Variants in TTC39B observed in about 807,000 individuals in gnomAD.
TTC39B encodes tetratricopeptide repeat protein 39B.
Under a neutral mutation model 96.6 loss-of-function variants are expected in TTC39B, and 92 were observed. That is an observed-to-expected ratio of 0.95 (90% CI 0.80 to 1.13). The LOEUF is 1.13. Among genes scored for constraint, TTC39B ranks in the 50% most tolerant of loss-of-function variants. The pLI is 0.00. For synonymous variants in TTC39B, 367 were observed against 299.4 expected, an observed-to-expected ratio of 1.23 and a Z score of -2.33; for missense variants, 955 against 809.3, an observed-to-expected ratio of 1.18 and a Z score of -2.18.
At chr9:15,299,741 A>T (rs1015131137) in intron 1 of TTC39B, among the ~76,000 whole-genome samples, 1 of 152,190 alleles carries the variant, frequency 6.6e-6, no homozygotes, top group African/African-American at 2.4e-5. Flanking sequence ...AGATGGCTAG[A>T]TGGAAACTCT....
exon 20 of TTC39B, chr9:15,169,925 T>C (rs1449992484): frequency 6.6e-6 from 1 of 152,170 alleles, no homozygotes; most frequent in East Asian, 1.9e-4. Context: ...ACTTGCAGCT[T>C]CTCACAGTAA....
intron 1 of TTC39B, among the ~76,000 whole-genome samples, chr9:15,303,444 C>T (rs1471985455): frequency 1.3e-5 from 2 of 148,814 alleles, no homozygotes; most frequent in African/African-American, 5.0e-5. Flanking sequence ...GATCAGAGTT[C>T]ACTGCAGCCT....
chr9:15,216,100 G>C (rs1297234149), intron 3 of TTC39B, among the ~76,000 whole-genome samples: 1 of 152,094 alleles, frequency 6.6e-6, no homozygotes, highest in African/African-American at 2.4e-5. Context: ...ATCTAACGCA[G>C]AGCAGCCTGG....
chr9:15,233,764 T>C (rs1821583116), intron 2 of TTC39B, among the ~76,000 whole-genome samples: 1 of 152,176 alleles, frequency 6.6e-6, no homozygotes, highest in African/African-American at 2.4e-5. Flanking sequence ...TTGCAGCCTC[T>C]GCCCGGCCGC....
In TTC39B at chr9:15,246,350, G is replaced by A. The variant is rs567621510; in HGVS notation, c.276-20338C>T. Among the ~76,000 whole-genome samples, 553 of 152,278 alleles carry A rather than the reference G, an allele frequency of 3.6e-3. 1 individual carries two copies. Among genetic ancestry groups the A allele is most frequent in the Non-Finnish European group, 5.2e-3 (354 of 68,012 alleles). On this transcript the variant is annotated intron_variant, in intron 2 of 19. Coordinates refer to ENST00000512701, the Ensembl canonical transcript of TTC39B. ...CTGCAGAGGGGTATCTCATTAAGGT[G>A]AGGAGACTCACCTTAACAAAAATTC...
At chr9:15,258,508 T>C (rs1261513410) in intron 2 of TTC39B, among the ~76,000 whole-genome samples, 2 of 152,200 alleles carry the variant, frequency 1.3e-5, no homozygotes, top group African/African-American at 4.8e-5. Context: ...ATTGGACCTC[T>C]TTCCCATTAC....
intron 2 of TTC39B, among the ~76,000 whole-genome samples, chr9:15,267,036 G>A (rs1823160506): frequency 6.6e-6 from 1 of 152,128 alleles, no homozygotes; most frequent in Non-Finnish European, 1.5e-5. Flanking sequence ...CCGAGATCGT[G>A]CCACTGCACT....
intron 1 of TTC39B, among the ~76,000 whole-genome samples, chr9:15,298,564 G>A (rs755174908): frequency 2.0e-5 from 3 of 152,066 alleles, no homozygotes; most frequent in African/African-American, 2.4e-5. Context: ...CAGATCCCAT[G>A]AGACTTATTC....
chr9:15,222,036 G>A (rs1304949716), intron 3 of TTC39B, among the ~76,000 whole-genome samples: 5 of 152,196 alleles, frequency 3.3e-5, no homozygotes, highest in Admixed American at 6.5e-5. Context: ...AAGCAAGAAA[G>A]AGTAACGTAA....
chr9:15,173,144 TAC>T (rs919507347), intron 19 of TTC39B, among the ~76,000 whole-genome samples: 14 of 152,210 alleles, frequency 9.2e-5, no homozygotes, highest in African/African-American at 3.4e-4. Context: ...TGCCTTATTA[TAC>T]ATTGTATATT....
chr9:15,262,201 T>C (rs181149400), intron 2 of TTC39B, among the ~76,000 whole-genome samples: 2,622 of 152,230 alleles, frequency 0.017, 33 homozygotes, highest in Admixed American at 0.032. Flanking sequence ...CGGGTTCAAG[T>C]GATTCTCCTG....
At position 15,219,354 on chromosome 9, in the gene TTC39B, T is replaced by C. The variant is rs147261307; in HGVS notation, c.372-5105A>G. ...CCCAACTCCCCTGCTAAGAACCACA[T>C]ATGCACACATACATGGTGACCTGGC... is the stretch of plus-strand genomic sequence containing the variant. On this transcript the variant is annotated intron_variant, in intron 3 of 19. Coordinates refer to ENST00000512701, the Ensembl canonical transcript of TTC39B. Among the ~76,000 whole-genome samples, 793 of 152,234 alleles carry C rather than the reference T, an allele frequency of 5.2e-3. 11 individuals are homozygous for C. Among genetic ancestry groups the C allele is most frequent in the African/African-American group, 0.018 (751 of 41,536 alleles).
rs558603126 is a variant in TTC39B at position 15,306,777 on chromosome 9, C to G, written c.240+307G>C. 1.3e-5 allele frequency among the ~76,000 whole-genome samples: 2 copies of G among 152,298 alleles called. No individual in the cohort carries two copies. The highest frequency in any genetic ancestry group is 2.4e-5 in the African/African-American group (1 of 41,578). The stretch of plus-strand genomic sequence containing the variant: ...CCCGGAACAGCTCAGAGCTGCGGGT[C>G]CTATGGTCCCGCGCCCTCACGCCCA... On this transcript the variant is annotated intron_variant, in intron 1 of 19. Coordinates refer to ENST00000512701, the Ensembl canonical transcript of TTC39B. This position sits in a 1 kb window ranked among gnomAD's most constrained non-coding sequence, Gnocchi z 5.1.
chr9:15,222,662 T>C (rs944444568), intron 3 of TTC39B, among the ~76,000 whole-genome samples: 4 of 152,204 alleles, frequency 2.6e-5, no homozygotes, highest in Non-Finnish European at 5.9e-5. Flanking sequence ...ATTTGGTAAC[T>C]AAAGCTACCA....
intron 3 of TTC39B, chr9:15,224,377 A>G (rs1821008807): frequency 6.6e-6 from 1 of 152,370 alleles, no homozygotes; most frequent in Non-Finnish European, 1.5e-5. Context: ...GTGGCCACCA[A>G]CTTGTAGTCT....
chr9:15,196,922 G>T (rs574225634), intron 8 of TTC39B, among the ~76,000 whole-genome samples: 1 of 152,248 alleles, frequency 6.6e-6, no homozygotes, highest in African/African-American at 2.4e-5. Context: ...CCAACCTTCA[G>T]CAACCACCAC....
intron 9 of TTC39B, 122 bp downstream of exon 9, chr9:15,192,468 C>G (rs891014668): frequency 7.2e-6 from 5 of 692,468 alleles, no homozygotes; most frequent in South Asian, 5.6e-5. Flanking sequence ...TGATCCCACT[C>G]TAGCTGTTTG....
intron 3 of TTC39B, among the ~76,000 whole-genome samples, chr9:15,219,646 T>G (rs148491314): frequency 1.2e-3 from 189 of 152,256 alleles, no homozygotes; most frequent in African/African-American, 3.9e-3. Context: ...AGTAGGGACT[T>G]CACTAGATGA....
intron 2 of TTC39B, chr9:15,250,164 T>C: frequency 8.4e-7 from 1 of 1,196,642 alleles, no homozygotes; most frequent in Non-Finnish European, 1.1e-6. Context: ...AGGGCAGAAT[T>C]TAAGACATGT....
Sources: gnomAD v4.1 joint callset for allele counts (sites outside exome capture counted in the v4.1 genomes callset) on GRCh38, gnomAD v4.1.1 for gene constraint, Gnocchi (gnomAD v3.1) non-coding constraint, MANE v1.5 for transcripts, NCBI Gene and HGNC (gene_info 2026-07-23, HGNC 2026-07-21) for gene names.